Variants in UGT1A9 observed in about 807,000 individuals in gnomAD.
UGT1A9 encodes the protein UDP glucuronosyltransferase family 1 member A9, also known as UDP-glucuronosyltransferase 1A9.
A neutral mutation model predicts 45.0 loss-of-function variants in UGT1A9; 35 were observed. That is an observed-to-expected ratio of 0.78 (90% CI 0.59 to 1.03). The LOEUF is 1.03. Among genes scored for constraint, UGT1A9 ranks in the 50% least tolerant of loss-of-function variants. The pLI, the probability that UGT1A9 is intolerant of heterozygous loss-of-function variation, is 0.00. For missense variants in UGT1A9, 687 were observed against 666.6 expected (o/e 1.03, Z -0.34); for synonymous variants, 278 against 250.6 (o/e 1.11, Z -1.03).
At chr2:233,697,483 G>T (rs372892413) in intron 1 of UGT1A9, among the ~76,000 whole-genome samples, 3 of 148,958 alleles carry the variant, frequency 2.0e-5, no homozygotes, top group African/African-American at 7.4e-5. Flanking sequence ...CTAGCTCAAG[G>T]TTTGCCAATT....
chr2:233,734,666 C>T (rs1294652179), intron 1 of UGT1A9, among the ~76,000 whole-genome samples: 1 of 152,056 alleles, frequency 6.6e-6, no homozygotes, highest in Non-Finnish European at 1.5e-5. Context: ...TATAAATTTC[C>T]CTCTACACAC....
intron 1 of UGT1A9, chr2:233,750,737 C>T (rs1464125177): frequency 6.6e-6 from 1 of 151,908 alleles, no homozygotes; most frequent in Non-Finnish European, 1.5e-5. Context: ...AGGGTGCAAA[C>T]CTCAAGCCTT....
intron 1 of UGT1A9, chr2:233,747,970 C>T: frequency 6.2e-7 from 1 of 1,613,476 alleles, no homozygotes; most frequent in Non-Finnish European, 8.5e-7. Context: ...AGCCATGCAT[C>T]TGTGTGGCTG....
chr2:233,735,469 G>T (rs1476007711), intron 1 of UGT1A9, among the ~76,000 whole-genome samples: 1 of 152,020 alleles, frequency 6.6e-6, no homozygotes, highest in African/African-American at 2.4e-5. Context: ...TATCCAATTT[G>T]CCAGTCTGTG....
chr2:233,709,219 T>G (rs2076065837), intron 1 of UGT1A9, among the ~76,000 whole-genome samples: 1 of 151,980 alleles, frequency 6.6e-6, no homozygotes, highest in African/African-American at 2.4e-5. Context: ...CATTTGAGAG[T>G]TTGGGGGAGG....
At chr2:233,746,495 C>G (rs536618082) in intron 1 of UGT1A9, among the ~76,000 whole-genome samples, 12 of 151,904 alleles carry the variant, frequency 7.9e-5, no homozygotes, top group Admixed American at 4.6e-4. Context: ...ACATGTCACT[C>G]TTTAGTAGCC....
At chr2:233,757,019 A>C (rs1245211871) in intron 1 of UGT1A9, among the ~76,000 whole-genome samples, 4 of 151,834 alleles carry the variant, frequency 2.6e-5, no homozygotes, top group African/African-American at 9.7e-5. Context: ...CAGTTTGAAC[A>C]AAGCAATTTG....
chr2:233,719,460 A>G (rs1246194509), intron 1 of UGT1A9: 3 of 1,613,974 alleles, frequency 1.9e-6, no homozygotes, highest in Non-Finnish European at 2.5e-6. Context: ...GGTCAAGAAC[A>G]TGCTCTACCC....
At position 233,705,257 on chromosome 2, in the gene UGT1A9, T is replaced by TG. The variant is rs748102804; in HGVS notation, c.855+32472dup. Among the ~76,000 whole-genome samples the TG allele has an allele frequency of 1.7e-4, 26 of 152,354 alleles. No homozygotes were observed. The South Asian group carries it at 5.0e-3, about 29-fold the overall frequency. ...TTCTGTATGAATTCAGATTATTCTA[T>TG]GGGGTCACTTGCTTTCAACCTGAAG... On this transcript the variant is annotated intron_variant, in intron 1 of 4. Coordinates refer to ENST00000354728, the MANE Select transcript of UGT1A9 (RefSeq NM_021027.3).
chr2:233,728,632 C>G (rs1273558536), intron 1 of UGT1A9, among the ~76,000 whole-genome samples: 1 of 152,160 alleles, frequency 6.6e-6, no homozygotes, highest in Non-Finnish European at 1.5e-5. Context: ...GCTGGCTTAG[C>G]AATGTTGTAT....
At position 233,715,255 on chromosome 2, in the gene UGT1A9, T is replaced by A. The variant is rs575259071; in HGVS notation, c.855+42466T>A. Among the ~76,000 whole-genome samples, 42 of 152,302 alleles carry A rather than the reference T, an allele frequency of 2.8e-4. 1 individual carries two copies. Among genetic ancestry groups the A allele is most frequent in the African/African-American group, 1.0e-3 (42 of 41,564 alleles). On this transcript the variant is annotated intron_variant, in intron 1 of 4. Transcript: ENST00000354728. ...TCTGTGAAGGATGTCTTTTAAAAAA[T>A]CCCCTTACATAACAAATTCTCCTCC...
At chr2:233,682,476 G>C (rs1043406575) in intron 1 of UGT1A9, 1 of 1,613,894 alleles carries the variant, frequency 6.2e-7, no homozygotes, top group Non-Finnish European at 8.5e-7. Context: ...CTTGAAGAAG[G>C]TGCACAGTGC....
intron 1 of UGT1A9, among the ~76,000 whole-genome samples, chr2:233,724,843 CA>C (rs1314943677): frequency 7.6e-6 from 1 of 132,312 alleles, no homozygotes; most frequent in Non-Finnish European, 1.6e-5. Context: ...GAGGCCAAGG[CA>C]GGCGGCTGGG....
intron 1 of UGT1A9, chr2:233,692,943 G>C: frequency 1.3e-6 from 2 of 1,597,154 alleles, no homozygotes; most frequent in East Asian, 2.2e-5. Context: ...AAATACCTAG[G>C]AGCCCTGTGA....
chr2:233,759,141 G>A (rs766249806), intron 1 of UGT1A9, among the ~76,000 whole-genome samples: 1 of 152,222 alleles, frequency 6.6e-6, no homozygotes, highest in Non-Finnish European at 1.5e-5. Context: ...CGCAATGAAG[G>A]TGAGTTCCAC....
intron 1 of UGT1A9, among the ~76,000 whole-genome samples, chr2:233,720,042 G>A (rs1048137470): frequency 2.6e-5 from 4 of 152,186 alleles, no homozygotes; most frequent in Non-Finnish European, 5.9e-5. Flanking sequence ...CTGATTTTCA[G>A]CTGAACGGTG....
chr2:233,696,103 A>G (rs2075324442), intron 1 of UGT1A9, among the ~76,000 whole-genome samples: 1 of 152,246 alleles, frequency 6.6e-6, no homozygotes, highest in South Asian at 2.1e-4. Flanking sequence ...AAAACAAAAC[A>G]AAACAAAAAG....
intron 1 of UGT1A9, chr2:233,693,250 T>A (rs139492272): frequency 1.9e-6 from 3 of 1,614,198 alleles, no homozygotes; most frequent in Non-Finnish European, 2.5e-6. Context: ...CAGTGCCGTA[T>A]GACCAAGAAG....
chr2:233,713,326 G>C (rs17864695), intron 1 of UGT1A9: 6 of 1,614,218 alleles, frequency 3.7e-6, no homozygotes, highest in Non-Finnish European at 5.1e-6. Context: ...AAATTTTCTA[G>C]AAGAATGGCA....
Sources: allele counts gnomAD v4.1 joint callset (sites outside exome capture counted in the v4.1 genomes callset), GRCh38; gene constraint gnomAD v4.1.1; transcripts MANE v1.5; gene names NCBI Gene and HGNC (gene_info 2026-07-23, HGNC 2026-07-21).